Variants in DEPTOR observed in about 807,000 individuals in gnomAD.
DEPTOR encodes DEP domain containing MTOR interacting protein.
DEPTOR carries 41 observed loss-of-function variants against 41.6 expected under a neutral mutation model. That is an observed-to-expected ratio of 0.98 (90% CI 0.77 to 1.28). The LOEUF is 1.28. Among genes scored for constraint, DEPTOR ranks in the 50% most tolerant of loss-of-function variants. The pLI, the probability that DEPTOR is intolerant of heterozygous loss-of-function variation, is 0.00. For missense variants in DEPTOR, 514 were observed against 527.9 expected (o/e 0.97, Z 0.26); for synonymous variants, 195 against 192.3 (o/e 1.01, Z -0.12).
At chr8:120,047,878 C>T (rs1024974530) in intron 8 of DEPTOR, among the ~76,000 whole-genome samples, 1 of 126,118 alleles carries the variant, frequency 7.9e-6, no homozygotes, top group Non-Finnish European at 1.8e-5. Flanking sequence ...AACCCCCTCT[C>T]TACCAAAAAT....
chr8:119,936,793 G>A (rs1371318276), intron 3 of DEPTOR, among the ~76,000 whole-genome samples: 1 of 152,172 alleles, frequency 6.6e-6, no homozygotes, highest in East Asian at 1.9e-4. Context: ...GGAGGCCAAG[G>A]TGGGTAGATC....
chr8:119,982,642 CCAGGCTGACACTGAGACT>C (rs1169733295), intron 4 of DEPTOR, among the ~76,000 whole-genome samples: 14 of 152,256 alleles, frequency 9.2e-5, no homozygotes, highest in Non-Finnish European at 1.5e-5. Flanking sequence ...GTCTAGAATC[CCAGGCTGACACTGAGACT>C]CCCCACAAAG....
At chr8:119,999,921 A>G (rs1586652026) in intron 4 of DEPTOR, among the ~76,000 whole-genome samples, 1 of 152,168 alleles carries the variant, frequency 6.6e-6, no homozygotes, top group Non-Finnish European at 1.5e-5. Flanking sequence ...ACCGCACTGA[A>G]CTATATGTGC....
intron 2 of DEPTOR, 104 bp downstream of exon 2, chr8:119,928,682 T>A: frequency 7.9e-7 from 1 of 1,266,796 alleles, no homozygotes; most frequent in Non-Finnish European, 1.1e-6. Flanking sequence ...TTATTTTATC[T>A]CCAGTGTACC....
intron 8 of DEPTOR, among the ~76,000 whole-genome samples, chr8:120,034,146 C>T (rs1285880472): frequency 6.6e-6 from 1 of 152,104 alleles, no homozygotes; most frequent in East Asian, 1.9e-4. Context: ...TAGTCCCGAT[C>T]TCATCACACC....
At chr8:119,951,637 T>A (rs1828354987) in intron 3 of DEPTOR, among the ~76,000 whole-genome samples, 1 of 152,212 alleles carries the variant, frequency 6.6e-6, no homozygotes, top group African/African-American at 2.4e-5. Context: ...GGATTTTATT[T>A]CCAAAAACAA....
intron 8 of DEPTOR, among the ~76,000 whole-genome samples, chr8:120,040,979 T>G (rs967609390): frequency 1.3e-5 from 2 of 152,234 alleles, no homozygotes; most frequent in Non-Finnish European, 2.9e-5. Context: ...TTTCCACATC[T>G]ATTTGTGTGT....
intron 8 of DEPTOR, 117 bp from the exon 9 acceptor site, chr8:120,049,459 T>C: frequency 8.2e-7 from 1 of 1,213,564 alleles, no homozygotes; most frequent in Non-Finnish European, 1.1e-6. Flanking sequence ...GTCAGCTGGA[T>C]ACATTTGGAT....
At chr8:119,943,250 A>T (rs545093497) in intron 3 of DEPTOR, among the ~76,000 whole-genome samples, 1 of 152,298 alleles carries the variant, frequency 6.6e-6, no homozygotes, top group East Asian at 1.9e-4. Context: ...AGGCCACTGT[A>T]TTAGTCCATT....
intron 3 of DEPTOR, among the ~76,000 whole-genome samples, chr8:119,950,986 T>C (rs945762826): frequency 5.9e-5 from 9 of 152,148 alleles, no homozygotes; most frequent in African/African-American, 2.2e-4. Flanking sequence ...GGTGGTAGGA[T>C]TGCTTGAGCC....
At chr8:120,006,941 A>G in intron 7 of DEPTOR, 66 bp downstream of exon 7, 1 of 1,456,880 alleles carries the variant, frequency 6.9e-7, no homozygotes, top group Non-Finnish European at 9.6e-7. Flanking sequence ...CCATGTGTCA[A>G]TGGGTAGCTT....
chr8:119,965,347 A>T lies in DEPTOR; in HGVS notation c.541A>T (p.Thr181Ser). 1 of 1,614,146 alleles carries T rather than the reference A, an allele frequency of 6.2e-7. No homozygotes were observed. Residue 181 changes from threonine (T) to serine (S), a missense_variant, in exon 4 of 9, where the codon ACC (threonine) becomes TCC (serine). Physicochemically the swap from Thr to Ser is moderately conservative, Grantham distance 58 (BLOSUM62 1). Transcript: ENST00000286234. ...LDWLVQEGEA[T>S]TRKEAEQLCH... Reference sequence around the variant, plus strand: ...CTGGCTGGTTCAGGAAGGTGAGGCCACCACGAGGAAAGAGGCAGAGCAGCT... The same window carrying T: ...CTGGCTGGTTCAGGAAGGTGAGGCCTCCACGAGGAAAGAGGCAGAGCAGCT...
At chr8:119,963,643 T>C (rs549365643) in intron 3 of DEPTOR, among the ~76,000 whole-genome samples, 8 of 152,164 alleles carry the variant, frequency 5.3e-5, no homozygotes, top group Admixed American at 4.6e-4. Context: ...GAGCTACCAA[T>C]CCTGGACCCA....
chr8:119,996,401 T>G (rs1462334975), intron 4 of DEPTOR, among the ~76,000 whole-genome samples: 1 of 152,230 alleles, frequency 6.6e-6, no homozygotes, highest in African/African-American at 2.4e-5. Flanking sequence ...TGAACACTTA[T>G]AGTTGACTAT....
intron 1 of DEPTOR, among the ~76,000 whole-genome samples, chr8:119,889,652 T>G (rs1184143716): frequency 9.9e-3 from 94 of 9,524 alleles, no homozygotes; most frequent in African/African-American, 0.018. Flanking sequence ...GAGGGGAGGA[T>G]GGGGAGGGGA....
At chr8:119,958,093 T>A (rs1188971410) in intron 3 of DEPTOR, among the ~76,000 whole-genome samples, 1 of 152,192 alleles carries the variant, frequency 6.6e-6, no homozygotes, top group Non-Finnish European at 1.5e-5. Flanking sequence ...ACAAAACAAG[T>A]CATACTAAGA....
At chr8:119,996,065 C>A (rs1217988743) in intron 4 of DEPTOR, among the ~76,000 whole-genome samples, 1 of 152,160 alleles carries the variant, frequency 6.6e-6, no homozygotes, top group Non-Finnish European at 1.5e-5. Flanking sequence ...GTGATACATA[C>A]AATTGTCACT....
intron 8 of DEPTOR, among the ~76,000 whole-genome samples, chr8:120,045,376 C>T (rs146621876): frequency 3.8e-4 from 58 of 152,088 alleles, no homozygotes; most frequent in African/African-American, 1.3e-3. Flanking sequence ...TATTTTTTAT[C>T]TTTTATGTTT....
intron 8 of DEPTOR, among the ~76,000 whole-genome samples, chr8:120,015,220 T>C (rs953939584): frequency 6.6e-6 from 1 of 152,200 alleles, no homozygotes; most frequent in Admixed American, 6.5e-5. Context: ...CTTCTGTCTG[T>C]TCCTCCCAGA....
Sources: gnomAD v4.1 joint callset for allele counts (sites outside exome capture counted in the v4.1 genomes callset) on GRCh38, gnomAD v4.1.1 for gene constraint, MANE v1.5 for transcripts, NCBI Gene and HGNC (gene_info 2026-07-23, HGNC 2026-07-21) for gene names.